PLXNA4: variants seen among roughly 807,000 people sequenced by gnomAD.
PLXNA4 encodes the protein plexin-A4.
A neutral mutation model predicts 191.8 loss-of-function variants in PLXNA4; 44 were observed. That is an observed-to-expected ratio of 0.23 (90% CI 0.18 to 0.29). The LOEUF is 0.29. Among genes scored for constraint, PLXNA4 ranks in the 10% least tolerant of loss-of-function variants. PLXNA4 has a pLI of 1.00. For synonymous variants in PLXNA4, 1,082 were observed against 1,009.5 expected, an observed-to-expected ratio of 1.07 and a Z score of -1.36; for missense variants, 1,800 against 2,488.8, an observed-to-expected ratio of 0.72 and a Z score of 5.89.
At chr7:132,571,756 C>T (rs1038426699) in intron 1 of PLXNA4, among the ~76,000 whole-genome samples, 3 of 152,164 alleles carry the variant, frequency 2.0e-5, no homozygotes, top group African/African-American at 7.2e-5. Context: ...CAATTTGAAG[C>T]AGTCACCAGG....
chr7:132,281,852 C>T (rs1216097172), intron 4 of PLXNA4, among the ~76,000 whole-genome samples: 1 of 152,126 alleles, frequency 6.6e-6, no homozygotes, highest in Non-Finnish European at 1.5e-5. Context: ...CTGTGTTGTA[C>T]AAAAAATTTC....
Position 132,639,616 on chromosome 7 carries a change from C to T in PLXNA4, c.-87+6312G>A, listed in dbSNP as rs543613880. Among the ~76,000 whole-genome samples, 8 of 152,284 alleles carry T rather than the reference C, an allele frequency of 5.3e-5. No homozygotes were observed. The South Asian group carries it at 1.7e-3, about 32-fold the overall frequency. ...TACCTCTGCGTTGAGTCAACACTGC[C>T]GCCTCCCACCCCTACCTGGTTCCCC... is the stretch of plus-strand genomic sequence containing the variant. On this transcript the variant is annotated intron_variant, in intron 2 of 4. Coordinates refer to the PLXNA4 transcript ENST00000378539.
chr7:132,491,919 T>C (rs945509581), intron 2 of PLXNA4, among the ~76,000 whole-genome samples: 1 of 152,116 alleles, frequency 6.6e-6, no homozygotes, highest in Non-Finnish European at 1.5e-5. Context: ...GGGGAGAAGA[T>C]GCCCTGTGCC....
chr7:132,557,733 C>T (rs1202892650), intron 1 of PLXNA4, among the ~76,000 whole-genome samples: 1 of 152,012 alleles, frequency 6.6e-6, no homozygotes, highest in Non-Finnish European at 1.5e-5. Context: ...CTCTGTTTAC[C>T]ATCAGCTGGT....
At chr7:132,162,246 A>T (rs971479329) in intron 24 of PLXNA4, among the ~76,000 whole-genome samples, 1 of 152,204 alleles carries the variant, frequency 6.6e-6, no homozygotes, top group African/African-American at 2.4e-5. Flanking sequence ...TACTTTCCCC[A>T]GGCCTGAAGG....
At chr7:132,376,717 T>C (rs1804671217) in intron 3 of PLXNA4, among the ~76,000 whole-genome samples, 1 of 152,164 alleles carries the variant, frequency 6.6e-6, no homozygotes, top group Admixed American at 6.5e-5. Context: ...TTTAATTTTA[T>C]CCAGCAGGCC....
chr7:132,401,462 C>T (rs1390735602), intron 3 of PLXNA4, among the ~76,000 whole-genome samples: 2 of 152,198 alleles, frequency 1.3e-5, no homozygotes. Flanking sequence ...AGGTGAGACA[C>T]ACACATGAAA....
At chr7:132,196,823 T>C (rs1797267663) in intron 13 of PLXNA4, among the ~76,000 whole-genome samples, 1 of 152,252 alleles carries the variant, frequency 6.6e-6, no homozygotes, top group Non-Finnish European at 1.5e-5. Context: ...TTTAATTGAT[T>C]ACTACTGCTG....
At chr7:132,272,455 C>T (rs1800112898) in intron 4 of PLXNA4, among the ~76,000 whole-genome samples, 1 of 152,178 alleles carries the variant, frequency 6.6e-6, no homozygotes, top group Non-Finnish European at 1.5e-5. Flanking sequence ...CTTGGTATCC[C>T]TAGCCCTGGA....
chr7:132,178,855 C>T (rs113864957), intron 20 of PLXNA4, among the ~76,000 whole-genome samples: 1 of 140,940 alleles, frequency 7.1e-6, no homozygotes, highest in Non-Finnish European at 1.5e-5. Flanking sequence ...TACACACACA[C>T]ACACACACAC....
intron 3 of PLXNA4, among the ~76,000 whole-genome samples, chr7:132,461,630 GT>G (rs763595695): frequency 9.2e-5 from 14 of 152,232 alleles, no homozygotes; most frequent in Non-Finnish European, 2.9e-5. Context: ...CCTAATAAAT[GT>G]TTCTGATGTG....
intron 3 of PLXNA4, among the ~76,000 whole-genome samples, chr7:132,340,205 A>T (rs927736204): frequency 6.6e-6 from 1 of 152,202 alleles, no homozygotes; most frequent in African/African-American, 2.4e-5. Flanking sequence ...GTTGGAATTA[A>T]AGGGTTGAGG....
At chr7:132,548,757 T>C (rs1358698490) in intron 1 of PLXNA4, among the ~76,000 whole-genome samples, 1 of 152,154 alleles carries the variant, frequency 6.6e-6, no homozygotes, top group Non-Finnish European at 1.5e-5. Context: ...CCCAGAAGGT[T>C]AGGCATTCTT....
chr7:132,269,772 C>T (rs1339105499), intron 4 of PLXNA4, among the ~76,000 whole-genome samples: 1 of 151,418 alleles, frequency 6.6e-6, no homozygotes, highest in Non-Finnish European at 1.5e-5. Context: ...TTGTCCTTTT[C>T]CCTGAGTGGC....
intron 2 of PLXNA4, among the ~76,000 whole-genome samples, chr7:132,592,729 T>C (rs1235880032): frequency 1.3e-5 from 2 of 151,886 alleles, no homozygotes; most frequent in Admixed American, 1.3e-4. Flanking sequence ...CTCAAATGAA[T>C]AGAGATAATG....
At position 132,507,662 on chromosome 7, in the gene PLXNA4, C is replaced by T. The variant is rs748515408; in HGVS notation, c.1032G>A (p.Lys344=). 2 of 1,614,240 alleles carry T rather than the reference C, an allele frequency of 1.2e-6. No individual in the cohort carries two copies. The highest frequency in any genetic ancestry group is 1.7e-6 in the Non-Finnish European group (2 of 1,180,040). ...ACTCATCCAGGGATTTCATTTTCCG[C>T]TTCTGGCCCTTGGAGAAGACGGTGA... ...LLFTVFSKGQ[K]RKMKSLDESA... is the part of the protein sequence containing the mutation. The change falls in exon 2 of 32, where the codon AAG becomes AAA. Residue 344 remains lysine (K), a synonymous_variant. Coordinates refer to ENST00000321063, the MANE Select transcript of PLXNA4 (RefSeq NM_020911.2).
chr7:132,377,011 C>G (rs1804684286), intron 3 of PLXNA4, among the ~76,000 whole-genome samples: 1 of 152,204 alleles, frequency 6.6e-6, no homozygotes. Context: ...AGCAAAAACT[C>G]CTTTCCCAGG....
intron 4 of PLXNA4, among the ~76,000 whole-genome samples, chr7:132,274,437 G>T (rs1800195833): frequency 1.3e-5 from 2 of 152,018 alleles, no homozygotes; most frequent in Non-Finnish European, 2.9e-5. Context: ...TCAAAACCAG[G>T]ACATTAACAC....
At chr7:132,226,842 C>T (rs1798341455) in intron 7 of PLXNA4, among the ~76,000 whole-genome samples, 2 of 152,180 alleles carry the variant, frequency 1.3e-5, no homozygotes. Flanking sequence ...TTGTTCTTTG[C>T]CTTCCCTGAG....
Sources: gnomAD v4.1 joint callset for allele counts (sites outside exome capture counted in the v4.1 genomes callset) on GRCh38, gnomAD v4.1.1 for gene constraint, MANE v1.5 for transcripts, NCBI Gene and HGNC (gene_info 2026-07-23, HGNC 2026-07-21) for gene names.